ESR1: variants seen among roughly 807,000 people sequenced by gnomAD.
ESR1 encodes estrogen receptor 1, also known as estrogen receptor.
ESR1 carries 12 observed loss-of-function variants against 52.7 expected under a neutral mutation model. The observed-to-expected ratio is 0.23, with a 90% CI of 0.15 to 0.37. The LOEUF (loss-of-function observed/expected upper bound fraction) is 0.37. ESR1 is among the 10% of genes least tolerant of loss of function. The probability of loss-of-function intolerance (pLI) is 1.00; values close to 1 mark genes in which losing one functional copy is unlikely to be tolerated. For synonymous variants in ESR1, 305 were observed against 316.8 expected (o/e 0.96, Z 0.39); for missense variants, 584 against 779.7 (o/e 0.75, Z 2.99).
At chr6:151,934,699 T>C (rs551041848) in intron 3 of ESR1, among the ~76,000 whole-genome samples, 21 of 152,282 alleles carry the variant, frequency 1.4e-4, no homozygotes, top group African/African-American at 3.9e-4. Flanking sequence ...AATCTATCAA[T>C]AGGTAAATAA....
intron 6 of ESR1, among the ~76,000 whole-genome samples, chr6:152,090,096 A>G (rs2050060434): frequency 6.6e-6 from 1 of 152,206 alleles, no homozygotes; most frequent in Non-Finnish European, 1.5e-5. Context: ...TCATAGGAGA[A>G]GCATACAACA....
chr6:151,836,294 A>G (rs1305858132), intron 1 of ESR1, among the ~76,000 whole-genome samples: 1 of 152,212 alleles, frequency 6.6e-6, no homozygotes, highest in Non-Finnish European at 1.5e-5. Flanking sequence ...AAAGAGATTT[A>G]ATGGACTCAC....
intron 4 of ESR1, among the ~76,000 whole-genome samples, chr6:151,974,214 T>A (rs536251122): frequency 6.6e-6 from 1 of 152,230 alleles, no homozygotes. Context: ...ATGAACAAAC[T>A]GATGACACAA....
chr6:152,048,631 A>T (rs2046427911), intron 5 of ESR1, among the ~76,000 whole-genome samples: 2 of 152,330 alleles, frequency 1.3e-5, no homozygotes, highest in South Asian at 2.1e-4. Flanking sequence ...CACTGAACTC[A>T]GTGCCTCGAA....
At chr6:151,824,885 C>CA (rs1781216886) in intron 1 of ESR1, among the ~76,000 whole-genome samples, 11 of 150,580 alleles carry the variant, frequency 7.3e-5, no homozygotes, top group Admixed American at 7.3e-4. Flanking sequence ...TGCACCACTG[C>CA]ACTCCAGGCT....
chr6:151,940,161 A>G (rs545906492), intron 3 of ESR1, among the ~76,000 whole-genome samples: 5 of 152,282 alleles, frequency 3.3e-5, no homozygotes, highest in African/African-American at 1.2e-4. Flanking sequence ...GCAAGAGAGT[A>G]TATGCAAGGG....
At chr6:151,691,066 T>G (rs775569957) in intron 1 of ESR1, among the ~76,000 whole-genome samples, 1 of 152,246 alleles carries the variant, frequency 6.6e-6, no homozygotes, top group Non-Finnish European at 1.5e-5. Flanking sequence ...CAGAGTAGCA[T>G]GAACACACTA....
intron 2 of ESR1, among the ~76,000 whole-genome samples, chr6:151,876,989 ACTG>A (rs1791943844): frequency 6.6e-6 from 1 of 151,766 alleles, no homozygotes; most frequent in South Asian, 2.1e-4. Flanking sequence ...ACACACACAC[ACTG>A]CTATGTTTCA....
intron 1 of ESR1, among the ~76,000 whole-genome samples, chr6:151,679,676 A>C (rs774208887): frequency 6.6e-6 from 1 of 152,166 alleles, no homozygotes; most frequent in African/African-American, 2.4e-5. Context: ...ATGAGGCCCC[A>C]CACACCTTAG....
intron 3 of ESR1, among the ~76,000 whole-genome samples, chr6:151,895,862 G>A (rs2128384189): frequency 6.6e-6 from 1 of 152,220 alleles, no homozygotes; most frequent in South Asian, 2.1e-4. Flanking sequence ...GAGTGTAGTG[G>A]CACTGCAACT....
At position 152,122,341 on chromosome 6, in the gene ESR1, G is replaced by A. The variant is rs139397787; in HGVS notation, c.851-2925G>A. The A allele has an allele frequency of 9.5e-4, 1,532 of 1,605,048 alleles. 2 individuals are homozygous for A. Among genetic ancestry groups the A allele is most frequent in the Middle Eastern group, 2.1e-3 (10 of 4,710 alleles). On this transcript the variant is annotated intron_variant, in intron 6 of 6. Coordinates refer to the ESR1 transcript ENST00000427531. Reference sequence around the variant, plus strand: ...TAAAGCTGCCACACCGAGGGCTTTCGCCAAGATCAAGGTCCTCTTGTTGGT... The same window carrying A: ...TAAAGCTGCCACACCGAGGGCTTTCACCAAGATCAAGGTCCTCTTGTTGGT...
intron 3 of ESR1, among the ~76,000 whole-genome samples, chr6:151,896,304 A>T (rs937744706): frequency 6.6e-6 from 1 of 152,200 alleles, no homozygotes; most frequent in African/African-American, 2.4e-5. Context: ...CTGTGAATTC[A>T]TCTGGTCCTG....
intron 6 of ESR1, among the ~76,000 whole-genome samples, chr6:152,111,128 C>G (rs1012260346): frequency 6.6e-6 from 1 of 152,178 alleles, no homozygotes; most frequent in South Asian, 2.1e-4. Context: ...ACCCTCCCCC[C>G]GTTGCCACAA....
intron 2 of ESR1, among the ~76,000 whole-genome samples, chr6:151,705,358 T>C (rs966611721): frequency 1.3e-5 from 2 of 152,200 alleles, no homozygotes; most frequent in African/African-American, 4.8e-5. Flanking sequence ...CCATCAGTTT[T>C]GCTTTCCTAA....
chr6:151,758,904 C>T (rs74713348), intron 2 of ESR1, among the ~76,000 whole-genome samples: 6,089 of 152,052 alleles, frequency 0.04, 185 homozygotes, highest in South Asian at 0.14. Flanking sequence ...CTTGTCATCA[C>T]AATGAGTTAA....
chr6:151,918,825 A>C (rs1274277992), intron 3 of ESR1, among the ~76,000 whole-genome samples: 2 of 152,228 alleles, frequency 1.3e-5, no homozygotes, highest in African/African-American at 4.8e-5. Flanking sequence ...GAAGGGATGG[A>C]GGGATAAAGC....
At chr6:151,687,508 CTG>C (rs753459550), upstream of ESR1, among the ~76,000 whole-genome samples, 54 of 152,322 alleles carry the variant, frequency 3.5e-4, no homozygotes, top group Non-Finnish European at 2.4e-4. Flanking sequence ...AACTATGTAA[CTG>C]AGTCCCAGAC....
At chr6:152,007,127 A>T (rs2042395358) in intron 4 of ESR1, among the ~76,000 whole-genome samples, 1 of 151,978 alleles carries the variant, frequency 6.6e-6, no homozygotes, top group African/African-American at 2.4e-5. Flanking sequence ...TTTCAACATC[A>T]TTTCTAAGAG....
rs547012615 is a variant in ESR1 at position 151,907,937 on chromosome 6, G to A, written c.760+27166G>A. Reference sequence around the variant, plus strand: ...ATCATGAAGAAAGTGATTACAAATGGTATTTAAGCATTTTAAGTTATATAG... The same window carrying A: ...ATCATGAAGAAAGTGATTACAAATGATATTTAAGCATTTTAAGTTATATAG... On this transcript the variant is annotated intron_variant, in intron 3 of 7. Coordinates refer to ENST00000206249, the MANE Select transcript of ESR1 (RefSeq NM_000125.4). 3.9e-5 allele frequency among the ~76,000 whole-genome samples: 6 copies of A among 152,220 alleles called. No individual in the cohort carries two copies. In the South Asian group the frequency reaches 1.2e-3, roughly 32 times the overall value.
Sources: gnomAD v4.1 joint callset for allele counts (sites outside exome capture counted in the v4.1 genomes callset) on GRCh38, gnomAD v4.1.1 for gene constraint, MANE v1.5 for transcripts, NCBI Gene and HGNC (gene_info 2026-07-23, HGNC 2026-07-21) for gene names.